ANXA4: variants seen among roughly 807,000 people sequenced by gnomAD.
ANXA4 encodes annexin A4, also known as 35-beta calcimedin.
ANXA4 carries 39 observed loss-of-function variants against 49.8 expected under a neutral mutation model. That is an observed-to-expected ratio of 0.78 (90% CI 0.61 to 1.02). The LOEUF (loss-of-function observed/expected upper bound fraction) is 1.02, where lower values mean the gene tolerates loss of function less well. ANXA4 is among the 50% of genes least tolerant of loss of function. The pLI is 0.00. For synonymous variants in ANXA4, 134 were observed against 152.5 expected (o/e 0.88, Z 0.89); for missense variants, 360 against 410.1 (o/e 0.88, Z 1.05).
intron 8 of ANXA4, among the ~76,000 whole-genome samples, chr2:69,814,482 C>T (rs1673869619): frequency 6.6e-6 from 1 of 150,940 alleles, no homozygotes; most frequent in African/African-American, 2.4e-5. Context: ...AGTAGCTGGA[C>T]TACAGGCGTG....
intron 3 of ANXA4, among the ~76,000 whole-genome samples, chr2:69,729,894 G>A (rs956352482): frequency 1.3e-5 from 2 of 152,208 alleles, no homozygotes; most frequent in African/African-American, 4.8e-5. Context: ...GGCATTGACA[G>A]TTTGATTCAC....
At chr2:69,776,048 A>G (rs1267785328) in intron 1 of ANXA4, among the ~76,000 whole-genome samples, 2 of 151,794 alleles carry the variant, frequency 1.3e-5, no homozygotes, top group African/African-American at 2.4e-5. Context: ...ATCTTGGTTC[A>G]CTGCAGCCTC....
intron 2 of ANXA4, among the ~76,000 whole-genome samples, chr2:69,781,954 T>C (rs528058544): frequency 2.0e-5 from 3 of 152,348 alleles, no homozygotes; most frequent in Non-Finnish European, 4.4e-5. Context: ...AGCCACATCA[T>C]TTCAGGCTCA....
At position 69,802,841 on chromosome 2, in the gene ANXA4, C is replaced by T. The variant is rs187991054; in HGVS notation, c.98-1692C>T. Among the ~76,000 whole-genome samples, 7 of 152,234 alleles carry T rather than the reference C, an allele frequency of 4.6e-5. No individual in the cohort carries two copies. In the East Asian group the frequency reaches 1.3e-3, roughly 29 times the overall value. The stretch of plus-strand genomic sequence containing the variant: ...ACCCTCTCTGCCCCTTCCACACCCC[C>T]TCCTAGCTGAGAGTGCCAAGGGAGA... On this transcript the variant is annotated intron_variant, in intron 3 of 12. Coordinates refer to ENST00000394295, the MANE Select transcript of ANXA4 (RefSeq NM_001153.5).
intron 2 of ANXA4, among the ~76,000 whole-genome samples, chr2:69,715,970 G>A (rs1329108332): frequency 6.6e-6 from 1 of 152,102 alleles, no homozygotes; most frequent in Non-Finnish European, 1.5e-5. Flanking sequence ...CAAGTGCTGG[G>A]CACACGTCAC....
At chr2:69,819,216 A>G in intron 10 of ANXA4, 64 bp from the exon 11 acceptor site, 1 of 1,207,252 alleles carries the variant, frequency 8.3e-7, no homozygotes. Context: ...AACAACTGTC[A>G]CTTTTCTTTT....
Position 69,735,840 on chromosome 2 carries a change from G to C in ANXA4, n.864+14969G>C, listed in dbSNP as rs72903027. Reference sequence around the variant, plus strand: ...GCTAGTTAGTTCCCACTCAGAATGTGTCAACTGGCTACCATGAGACAGCGA... The same window carrying C: ...GCTAGTTAGTTCCCACTCAGAATGTCTCAACTGGCTACCATGAGACAGCGA... On this transcript the variant is annotated intron_variant and non_coding_transcript_variant, in intron 3 of 3. Coordinates refer to the ANXA4 transcript ENST00000418066. Among the ~76,000 whole-genome samples the C allele has an allele frequency of 7.1e-3, 1,074 of 152,248 alleles. 15 individuals carry two copies. The highest frequency in any genetic ancestry group is 0.024 in the African/African-American group (1,003 of 41,542).
chr2:69,737,647 G>C (rs1378080723), upstream of ANXA4, among the ~76,000 whole-genome samples: 1 of 152,110 alleles, frequency 6.6e-6, no homozygotes, highest in African/African-American at 2.4e-5. Context: ...ACCCAGGCTA[G>C]AGTGCAGTGG....
At chr2:69,823,259 G>A (rs1439784621) in intron 12 of ANXA4, among the ~76,000 whole-genome samples, 3 of 150,838 alleles carry the variant, frequency 2.0e-5, no homozygotes, top group Non-Finnish European at 4.4e-5. Context: ...GTAAATATAT[G>A]TGTGTATACA....
chr2:69,711,469 A>G (rs1678676880), intron 2 of ANXA4, among the ~76,000 whole-genome samples: 1 of 152,212 alleles, frequency 6.6e-6, no homozygotes, highest in Non-Finnish European at 1.5e-5. Context: ...GTATAAATCC[A>G]TTTATATGAT....
At chr2:69,813,317 TG>T in intron 8 of ANXA4, among the ~76,000 whole-genome samples, 1 of 152,150 alleles carries the variant, frequency 6.6e-6, no homozygotes, top group South Asian at 2.1e-4. Flanking sequence ...GGCATGATCT[TG>T]GCTCACTGCA....
At chr2:69,801,471 C>G (rs1673192406) in intron 3 of ANXA4, among the ~76,000 whole-genome samples, 1 of 151,540 alleles carries the variant, frequency 6.6e-6, no homozygotes, top group East Asian at 1.9e-4. Flanking sequence ...CTGGCATGAT[C>G]TTGGCTCACT....
chr2:69,677,106 A>G (rs1035050445), intron 2 of ANXA4, among the ~76,000 whole-genome samples: 1 of 151,004 alleles, frequency 6.6e-6, no homozygotes. Flanking sequence ...GTGAGCCACC[A>G]CACCCTGCCA....
rs201603508 is a variant in ANXA4, at chr2:69,648,879, C to CTTTTTTTT, written n.481+3977_481+3978insTTTTTTTT. Among the ~76,000 whole-genome samples, 68 of 113,462 alleles carry CTTTTTTTT rather than the reference C, an allele frequency of 6.0e-4. 2 individuals carry two copies. Among genetic ancestry groups the CTTTTTTTT allele is most frequent in the East Asian group, 5.7e-3 (16 of 2,800 alleles). 74.4% of individuals were successfully genotyped at this position (113,462 alleles called of 152,430 possible). A position where few individuals can be genotyped will look rare whatever the true frequency, so the allele number is the denominator to read the frequency against. The stretch of plus-strand genomic sequence containing the variant: ...ATTTTTTTAATTTTTAATTTTCTTT[C>CTTTTTTTT]TTTCTTTTCTTTTTTTTTTTTTTTG... On this transcript the variant is annotated intron_variant and non_coding_transcript_variant, in intron 1 of 3. Coordinates refer to the ANXA4 transcript ENST00000418066.
chr2:69,651,525 CAG>C (rs1294054573), intron 1 of ANXA4, among the ~76,000 whole-genome samples: 1 of 152,020 alleles, frequency 6.6e-6, no homozygotes, highest in Non-Finnish European at 1.5e-5. Context: ...GTTTTTGAGA[CAG>C]AGTCTCGCTC....
At chr2:69,690,789 A>G (rs1490407492) in intron 2 of ANXA4, among the ~76,000 whole-genome samples, 1 of 152,212 alleles carries the variant, frequency 6.6e-6, no homozygotes, top group Non-Finnish European at 1.5e-5. Context: ...TCTCCTGAGT[A>G]ACAAGAGGCC....
At chr2:69,677,346 C>T (rs1409162826) in intron 2 of ANXA4, among the ~76,000 whole-genome samples, 2 of 152,086 alleles carry the variant, frequency 1.3e-5, no homozygotes, top group Admixed American at 1.3e-4. Flanking sequence ...TCTCCTACCT[C>T]AGCCTCCCAA....
At chr2:69,696,420 C>G (rs1156808478) in intron 2 of ANXA4, among the ~76,000 whole-genome samples, 1 of 152,222 alleles carries the variant, frequency 6.6e-6, no homozygotes, top group East Asian at 1.9e-4. Flanking sequence ...ATTTTCACCA[C>G]ATCTGCAGTG....
chr2:69,707,729 A>G (rs1678543292), intron 2 of ANXA4, among the ~76,000 whole-genome samples: 1 of 152,248 alleles, frequency 6.6e-6, no homozygotes, highest in Admixed American at 6.5e-5. Context: ...TTTGTGTTAC[A>G]AACAACCCAA....
Sources: gnomAD v4.1 joint callset for allele counts (sites outside exome capture counted in the v4.1 genomes callset) on GRCh38, gnomAD v4.1.1 for gene constraint, MANE v1.5 for transcripts, NCBI Gene and HGNC (gene_info 2026-07-23, HGNC 2026-07-21) for gene names.